The following PRPSAP2 variants were observed in gnomAD, a reference collection of about 807,000 sequenced individuals.
PRPSAP2 encodes phosphoribosyl pyrophosphate synthase-associated protein 2.
A neutral mutation model predicts 40.6 loss-of-function variants in PRPSAP2; 24 were observed. The observed-to-expected ratio is 0.59, with a 90% CI of 0.43 to 0.83. The LOEUF (loss-of-function observed/expected upper bound fraction) is 0.83, where lower values mean the gene tolerates loss of function less well. Among genes scored for constraint, PRPSAP2 ranks in the 40% least tolerant of loss-of-function variants. PRPSAP2 has a pLI of 0.00. For synonymous variants in PRPSAP2, 149 were observed against 164.7 expected, an observed-to-expected ratio of 0.90 and a Z score of 0.73; for missense variants, 292 against 465.6, an observed-to-expected ratio of 0.63 and a Z score of 3.43.
chr17:18,913,550 T>TC (rs2041099069), intron 9 of PRPSAP2, among the ~76,000 whole-genome samples: 1 of 140,254 alleles, frequency 7.1e-6, no homozygotes, highest in African/African-American at 2.7e-5. Flanking sequence ...TCTTTTTTTT[T>TC]TTTTTTTTTT....
At chr17:18,878,392 T>A (rs1048886537) in intron 6 of PRPSAP2, among the ~76,000 whole-genome samples, 1 of 152,278 alleles carries the variant, frequency 6.6e-6, no homozygotes, top group African/African-American at 2.4e-5. Flanking sequence ...TAGATAGGCA[T>A]ATATTGGAAA....
chr17:18,914,952 C>T (rs991078767), intron 9 of PRPSAP2, among the ~76,000 whole-genome samples: 1 of 151,412 alleles, frequency 6.6e-6, no homozygotes, highest in African/African-American at 2.4e-5. Flanking sequence ...CTCAAAACTC[C>T]TGAACTCAAG....
intron 1 of PRPSAP2, among the ~76,000 whole-genome samples, chr17:18,863,403 C>T (rs1362521420): frequency 6.6e-6 from 1 of 151,922 alleles, no homozygotes; most frequent in Non-Finnish European, 1.5e-5. Context: ...ACCTTTTGTT[C>T]TTAAACACAC....
chr17:18,864,260 A>G (rs1285577600), intron 1 of PRPSAP2, among the ~76,000 whole-genome samples: 1 of 151,802 alleles, frequency 6.6e-6, no homozygotes, highest in Non-Finnish European at 1.5e-5. Flanking sequence ...CCTGGGATCG[A>G]GGCTGGTGAC....
intron 8 of PRPSAP2, among the ~76,000 whole-genome samples, chr17:18,894,495 T>A (rs946007543): frequency 6.7e-6 from 1 of 150,306 alleles, no homozygotes; most frequent in Non-Finnish European, 1.5e-5. Context: ...TTTTTTTTTT[T>A]TTGAGACAGA....
At chr17:18,922,725 GTGCAGTGGTGCAA>G (rs2041758751) in intron 9 of PRPSAP2, among the ~76,000 whole-genome samples, 1 of 141,048 alleles carries the variant, frequency 7.1e-6, no homozygotes, top group Admixed American at 7.3e-5. Flanking sequence ...CCAGGCTGGA[GTGCAGTGGTGCAA>G]TCGTGGCTCA....
rs146759564 is a variant in PRPSAP2 at position 18,930,639 on chromosome 17, C to T, written c.1051C>T (p.Arg351Trp). The change falls in exon 12 of 12, where the codon CGG becomes TGG. Residue 351 changes from arginine to tryptophan, a missense_variant. Arg to Trp is a moderately radical substitution (Grantham distance 101). This residue lies in a region of PRPSAP2 where 241 missense variants were observed against 425.7 expected (regional missense o/e 0.57). Transcript: ENST00000268835. ...CATGATCCTTTCAGAGGCGATCCGTCGGATCCACAATGGGGAGTCCATGTC... is the reference window on the plus strand; with the variant it reads ...CATGATCCTTTCAGAGGCGATCCGTTGGATCCACAATGGGGAGTCCATGTC... ...ISMILSEAIR[R>W]IHNGESMSYL... is the part of the protein sequence containing the mutation. 1.2e-6 allele frequency: 2 copies of T among 1,613,726 alleles called. No individual in the cohort carries two copies. Among genetic ancestry groups the T allele is most frequent in the African/African-American group, 1.3e-5 (1 of 74,892 alleles).
At chr17:18,889,283 T>C (rs896757899) in intron 7 of PRPSAP2, among the ~76,000 whole-genome samples, 6 of 152,236 alleles carry the variant, frequency 3.9e-5, no homozygotes, top group Non-Finnish European at 8.8e-5. Flanking sequence ...TAGGTGTTAT[T>C]AACTGCTCAT....
rs1188272644 is a variant in PRPSAP2 at position 18,867,288 on chromosome 17, A to G, written c.126A>G (p.Leu42=). 6 of 1,613,780 alleles carry G rather than the reference A, an allele frequency of 3.7e-6. No individual in the cohort carries two copies. The highest frequency in any genetic ancestry group is 5.1e-6 in the Non-Finnish European group (6 of 1,179,948). Residue 42 remains leucine (L), a synonymous_variant, in exon 4 of 12, where the codon CTA becomes CTG. Transcript: ENST00000268835. The part of the protein sequence containing the change: ...MELSKKIAER[L]GVEMGKVQVY... Reference sequence around the variant, plus strand: ...CCCCCTTTCTCTTCTCTAGGCGGCTAGGGGTGGAGATGGGCAAAGTGCAGG... The same window carrying G: ...CCCCCTTTCTCTTCTCTAGGCGGCTGGGGGTGGAGATGGGCAAAGTGCAGG...
chr17:18,877,948 G>T, intron 6 of PRPSAP2, 78 bp downstream of exon 6: 1 of 1,423,548 alleles, frequency 7.0e-7, no homozygotes, highest in South Asian at 1.4e-5. Context: ...TTAAGACAGG[G>T]TCTTGCCCTG....
intron 8 of PRPSAP2, among the ~76,000 whole-genome samples, chr17:18,907,020 T>C (rs2040635697): frequency 1.3e-5 from 2 of 151,962 alleles, no homozygotes; most frequent in African/African-American, 2.4e-5. Context: ...GTAAATGCCT[T>C]GGCTGTATCT....
rs535025007 is a variant in PRPSAP2 at position 18,930,765 on chromosome 17, A to G, written c.*67A>G. ...TAAGAGTGACTGCTCGGTGGGATGG[A>G]TTTCACAGGAACCGTCATGCTTGTT... On this transcript the variant is annotated 3_prime_UTR_variant, in exon 12 of 12. Transcript: ENST00000268835. 2 of 1,396,284 alleles carry G rather than the reference A, an allele frequency of 1.4e-6. No homozygotes were observed. Among genetic ancestry groups the G allele is most frequent in the South Asian group, 2.9e-5 (2 of 69,856 alleles). The allele number at this position is 1,396,284 out of a possible 1,614,324, so 86.5% of individuals were successfully genotyped here. A position where few individuals can be genotyped will look rare whatever the true frequency, so the allele number is the denominator to read the frequency against.
At chr17:18,865,752 G>T (rs539587662) in intron 2 of PRPSAP2, 50 bp from the exon 3 acceptor site, 4 of 1,192,754 alleles carry the variant, frequency 3.4e-6, no homozygotes, top group Non-Finnish European at 3.2e-6. Context: ...ATTCATTCAG[G>T]TATATTTCAT....
chr17:18,912,645 G>C (rs770264152), intron 9 of PRPSAP2, among the ~76,000 whole-genome samples: 1 of 152,116 alleles, frequency 6.6e-6, no homozygotes, highest in Non-Finnish European at 1.5e-5. Context: ...TCTGACGCAC[G>C]TTTCTCTCCG....
chr17:18,877,693 T>G lies in PRPSAP2; in HGVS notation c.240-5T>G. On this transcript the variant is annotated splice_polypyrimidine_tract_variant and splice_region_variant and intron_variant, in intron 5 of 11. Coordinates refer to ENST00000268835, the MANE Select transcript of PRPSAP2 (RefSeq NM_002767.4). Reference sequence around the variant, plus strand: ...TTGATGAGATTTGCTGTGTCTTTGTTACAGGGACGTGAACACCACCATCAT... The same window carrying G: ...TTGATGAGATTTGCTGTGTCTTTGTGACAGGGACGTGAACACCACCATCAT... 1 of 1,599,076 alleles carries G rather than the reference T, an allele frequency of 6.3e-7. No individual in the cohort carries two copies. Among genetic ancestry groups the G allele is most frequent in the Non-Finnish European group, 8.5e-7 (1 of 1,174,758 alleles).
chr17:18,925,204 A>G (rs1219215108), intron 10 of PRPSAP2, among the ~76,000 whole-genome samples: 2 of 152,322 alleles, frequency 1.3e-5, no homozygotes, highest in East Asian at 3.9e-4. Context: ...ACCAGTGCAC[A>G]AAAAGAGTGC....
intron 9 of PRPSAP2, among the ~76,000 whole-genome samples, chr17:18,919,377 T>C (rs569230226): frequency 7.9e-5 from 12 of 151,930 alleles, no homozygotes; most frequent in Non-Finnish European, 1.8e-4. Flanking sequence ...GTGTGGTGGT[T>C]CGTGCCTGTA....
intron 1 of PRPSAP2, 81 bp downstream of exon 1, chr17:18,858,342 G>C (rs944005831): frequency 6.6e-6 from 1 of 152,572 alleles, no homozygotes; most frequent in Non-Finnish European, 1.5e-5. Context: ...CAAGGGGCGG[G>C]GAGCCCGCGG....
rs569272671 is a variant in PRPSAP2, at chr17:18,875,570, A to T, written c.240-2128A>T. Among the ~76,000 whole-genome samples, 111 of 142,366 alleles carry T rather than the reference A, an allele frequency of 7.8e-4. 1 individual carries two copies. Among genetic ancestry groups the T allele is most frequent in the African/African-American group, 2.6e-3 (103 of 39,012 alleles). The allele number at this position is 142,366 out of a possible 152,430, so 93.4% of individuals were successfully genotyped here. ...AAAGAACAAGGCTCCATCTCGAAGT[A>T]AAAAAAAAAAAGGCTGGGCGAGGTG... On this transcript the variant is annotated intron_variant, in intron 5 of 11. Coordinates refer to ENST00000268835, the MANE Select transcript of PRPSAP2 (RefSeq NM_002767.4).
Sources: gnomAD v4.1 joint callset for allele counts (sites outside exome capture counted in the v4.1 genomes callset) on GRCh38, gnomAD v4.1.1 for gene constraint, gnomAD v4.1.1 regional missense constraint, MANE v1.5 for transcripts, NCBI Gene and HGNC (gene_info 2026-07-23, HGNC 2026-07-21) for gene names.